Variants in RAB11FIP3 observed in about 807,000 individuals in gnomAD.
The protein encoded by RAB11FIP3 is rab11 family-interacting protein 3.
In RAB11FIP3, 17 loss-of-function variants were observed where a neutral mutation model predicts 77.8. The observed-to-expected ratio is 0.22, with a 90% confidence interval of 0.15 to 0.33. The LOEUF (loss-of-function observed/expected upper bound fraction) is 0.33, where lower values mean the gene tolerates loss of function less well. Ranked by LOEUF, RAB11FIP3 falls within the 10% of genes least tolerant of loss-of-function variation. The probability of loss-of-function intolerance (pLI) is 1.00; values close to 1 mark genes in which losing one functional copy is unlikely to be tolerated. For synonymous variants in RAB11FIP3, 437 were observed against 448.2 expected (o/e 0.98, Z 0.31); for missense variants, 1,005 against 1,011.2 (o/e 0.99, Z 0.08).
intron 1 of RAB11FIP3, among the ~76,000 whole-genome samples, chr16:437,654 G>C (rs532804851): frequency 2.6e-5 from 4 of 151,526 alleles, no homozygotes; most frequent in Non-Finnish European, 5.9e-5. Context: ...TGAGAGACGT[G>C]CCAAGTACAC....
chr16:487,387 G>T (rs533797300), intron 4 of RAB11FIP3, among the ~76,000 whole-genome samples: 1 of 152,292 alleles, frequency 6.6e-6, no homozygotes, highest in South Asian at 2.1e-4. Context: ...CTCCCAAAGT[G>T]CTGGGATTAC....
At chr16:464,783 C>T (rs971538700) in intron 2 of RAB11FIP3, among the ~76,000 whole-genome samples, 1 of 152,158 alleles carries the variant, frequency 6.6e-6, no homozygotes, top group African/African-American at 2.4e-5. Context: ...GTCCCAGCTA[C>T]TTGGGAGGTT....
At chr16:432,787 A>C (rs1346606156) in intron 1 of RAB11FIP3, among the ~76,000 whole-genome samples, 1 of 150,742 alleles carries the variant, frequency 6.6e-6, no homozygotes, top group East Asian at 2.0e-4. Context: ...TGTATTTTTA[A>C]TAGAGATGGG....
chr16:469,447 T>G (rs1264265942), intron 2 of RAB11FIP3, among the ~76,000 whole-genome samples: 2 of 151,166 alleles, frequency 1.3e-5, no homozygotes, highest in African/African-American at 4.9e-5. Flanking sequence ...CAGGTTGGAG[T>G]ATAGTGGCAT....
intron 9 of RAB11FIP3, among the ~76,000 whole-genome samples, chr16:516,729 T>C (rs1455363771): frequency 6.7e-6 from 1 of 148,992 alleles, no homozygotes; most frequent in African/African-American, 2.5e-5. Flanking sequence ...ATACAAAAAT[T>C]AGCCAGGCGC....
rs1475852181 is a variant in RAB11FIP3 at position 492,407 on chromosome 16, G to A, written c.1265+3407G>A. On this transcript the variant is annotated intron_variant, in intron 5 of 13. Coordinates refer to ENST00000262305, the MANE Select transcript of RAB11FIP3 (RefSeq NM_014700.4). Reference sequence around the variant, plus strand: ...GCCCAGAGCCCTCCCCGGGAGACCCGAGGCCGCCCAGGGCCCTCCCCGGGA... The same window carrying A: ...GCCCAGAGCCCTCCCCGGGAGACCCAAGGCCGCCCAGGGCCCTCCCCGGGA... Among the ~76,000 whole-genome samples the A allele has an allele frequency of 1.5e-4, 21 of 143,052 alleles. 3 individuals carry two copies. Among genetic ancestry groups the A allele is most frequent in the African/African-American group, 3.1e-4 (12 of 38,400 alleles). 93.8% of individuals were successfully genotyped at this position (143,052 alleles called of 152,430 possible). A position where few individuals can be genotyped will look rare whatever the true frequency, so the allele number is the denominator to read the frequency against.
At position 505,327 on chromosome 16, in the gene RAB11FIP3, C is replaced by T. The variant is rs568236654; in HGVS notation, c.1396-197C>T. Among the ~76,000 whole-genome samples the T allele has an allele frequency of 1.3e-3, 199 of 152,256 alleles. No homozygotes were observed. Among genetic ancestry groups the T allele is most frequent in the African/African-American group, 4.6e-3 (190 of 41,544 alleles). ...TGCATTTGTGGGTCGAATGACAGTG[C>T]TCCCCAAGACCCCGGCCCCATTAGG... On this transcript the variant is annotated intron_variant, in intron 7 of 13. Coordinates refer to ENST00000262305, the MANE Select transcript of RAB11FIP3 (RefSeq NM_014700.4). This position sits in a 1 kb window ranked among gnomAD's most constrained non-coding sequence, Gnocchi z 4.0.
At chr16:469,819 C>G (rs2141678666) in intron 2 of RAB11FIP3, among the ~76,000 whole-genome samples, 2 of 152,212 alleles carry the variant, frequency 1.3e-5, no homozygotes, top group East Asian at 3.9e-4. Flanking sequence ...GCCACCATGC[C>G]TGGTCTCCAC....
At chr16:497,077 G>T in intron 6 of RAB11FIP3, 1 of 570,948 alleles carries the variant, frequency 1.8e-6, no homozygotes. Context: ...GGGAGGGTAC[G>T]TGTCAGAGCT....
intron 1 of RAB11FIP3, chr16:452,523 C>T (rs2055425261): frequency 6.6e-6 from 1 of 151,140 alleles, no homozygotes; most frequent in Non-Finnish European, 1.5e-5. Context: ...CAAGCTCCGC[C>T]TCCCCTGTTC....
chr16:458,573 C>T lies in RAB11FIP3; in HGVS notation c.715-2831C>T, dbSNP rs113038408. Among the ~76,000 whole-genome samples, 208 of 73,506 alleles carry T rather than the reference C, an allele frequency of 2.8e-3. 1 individual carries two copies. Among genetic ancestry groups the T allele is most frequent in the East Asian group, 0.012 (19 of 1,618 alleles). 48.2% of individuals were successfully genotyped at this position (73,506 alleles called of 152,430 possible). A position where few individuals can be genotyped will look rare whatever the true frequency, so the allele number is the denominator to read the frequency against. On this transcript the variant is annotated intron_variant, in intron 1 of 13. Transcript: ENST00000262305. ...CCTGGGGGGCCTTCCTCGGGTTCAC[C>T]GATGCCCACAGGGCCTGGGGGGCCT...
rs558528554 is a variant in RAB11FIP3, at chr16:448,168, T to G, written c.715-13236T>G. ...CCAATCTCTACTAAAAATACAAAAA[T>G]TAGCCGAGCGTGGTGGCGCGCATCT... On this transcript the variant is annotated intron_variant, in intron 1 of 13. Coordinates refer to ENST00000262305, the MANE Select transcript of RAB11FIP3 (RefSeq NM_014700.4). 1.3e-4 allele frequency among the ~76,000 whole-genome samples: 19 copies of G among 146,996 alleles called. No individual in the cohort carries two copies. The South Asian group carries it at 3.7e-3, about 28-fold the overall frequency.
chr16:488,775 A>G (rs2029910294), intron 4 of RAB11FIP3, 76 bp from the exon 5 acceptor site: 18 of 1,501,426 alleles, frequency 1.2e-5, no homozygotes, highest in Non-Finnish European at 1.5e-5. Context: ...ACCCTATGGA[A>G]AGCACCTTCC....
rs1288169365 is a variant in RAB11FIP3 at position 510,796 on chromosome 16, A to G, written c.1636A>G (p.Thr546Ala). The G allele has an allele frequency of 1.9e-6, 3 of 1,612,702 alleles. No homozygotes were observed. The highest frequency in any genetic ancestry group is 1.3e-5 in the African/African-American group (1 of 74,834). The change falls in exon 9 of 14, where the codon ACC becomes GCC. Residue 546 changes from threonine (T) to alanine (A), a missense_variant. Thr to Ala is a moderately conservative substitution (Grantham distance 58). Around this residue, in one of 4 missense-constraint regions of RAB11FIP3, gnomAD observed 433 missense variants for 436.1 expected, o/e 0.99. Transcript: ENST00000262305. ...EKSIEIENLQTRLQQLDEENS... is the reference protein window; with the variant it reads ...EKSIEIENLQARLQQLDEENS... ...GAGCATTGAGATCGAGAACCTGCAGACCAGGTAGGCGGTTCCCAACAGCCC... is the reference window on the plus strand; with the variant it reads ...GAGCATTGAGATCGAGAACCTGCAGGCCAGGTAGGCGGTTCCCAACAGCCC...
At chr16:516,898 T>C (rs2032441117) in intron 9 of RAB11FIP3, among the ~76,000 whole-genome samples, 5 of 152,192 alleles carry the variant, frequency 3.3e-5, no homozygotes. Flanking sequence ...CAAATCTTCC[T>C]CACAGAGGAA....
rs557055382 is a variant in RAB11FIP3 at position 509,954 on chromosome 16, C to T, written c.1500-706C>T. Among the ~76,000 whole-genome samples, 17 of 152,378 alleles carry T rather than the reference C, an allele frequency of 1.1e-4. No individual in the cohort carries two copies. The East Asian group carries it at 1.2e-3, about 10-fold the overall frequency. On this transcript the variant is annotated intron_variant, in intron 8 of 13. Transcript: ENST00000262305. The stretch of plus-strand genomic sequence containing the variant: ...TCAGTTCTCTGGTGTTCAGCTGCCG[C>T]GGACCACGTGCTCATCAGACACTCA...
intron 2 of RAB11FIP3, among the ~76,000 whole-genome samples, chr16:468,596 G>A (rs930164824): frequency 1.3e-5 from 2 of 152,170 alleles, no homozygotes; most frequent in East Asian, 1.9e-4. Flanking sequence ...TGTCTGCGTC[G>A]AGGAGTGACC....
intron 5 of RAB11FIP3, chr16:491,008 A>T (rs935472586): frequency 1.1e-6 from 1 of 874,606 alleles, no homozygotes; most frequent in African/African-American, 1.8e-5. Flanking sequence ...TGCACAGCTC[A>T]TTCTCTCTCC....
intron 4 of RAB11FIP3, 94 bp downstream of exon 4, chr16:482,830 G>T (rs902856764): frequency 7.6e-7 from 1 of 1,314,068 alleles, no homozygotes; most frequent in Non-Finnish European, 1.0e-6. Context: ...GGAGGAGTGC[G>T]TGCTGGTTAG....
Sources: gnomAD v4.1 joint callset for allele counts (sites outside exome capture counted in the v4.1 genomes callset) on GRCh38, gnomAD v4.1.1 for gene constraint, gnomAD v4.1.1 regional missense constraint, Gnocchi (gnomAD v3.1) non-coding constraint, MANE v1.5 for transcripts, NCBI Gene and HGNC (gene_info 2026-07-23, HGNC 2026-07-21) for gene names.